HEATR6: variants seen among roughly 807,000 people sequenced by gnomAD.
HEATR6 encodes HEAT repeat containing 6.
Under a neutral mutation model 132.8 loss-of-function variants are expected in HEATR6, and 106 were observed. The ratio of observed to expected loss-of-function variants is 0.80; its 90% CI spans 0.68 to 0.94. The LOEUF is 0.94. HEATR6 is among the 40% of genes least tolerant of loss of function. HEATR6 has a pLI of 0.00. For synonymous variants in HEATR6, 529 were observed against 537.8 expected, an observed-to-expected ratio of 0.98 and a Z score of 0.23; for missense variants, 1,339 against 1,425.1, an observed-to-expected ratio of 0.94 and a Z score of 0.97.
chr17:60,061,796 G>C lies in HEATR6; in HGVS notation c.1417-1700C>G, dbSNP rs544118452. ...CAGATTTGCCCTACGGGCCACAGCTGGCCAATCCCTACTAGAGGCTCGTCC... is the reference window on the plus strand; with the variant it reads ...CAGATTTGCCCTACGGGCCACAGCTCGCCAATCCCTACTAGAGGCTCGTCC... On this transcript the variant is annotated intron_variant, in intron 9 of 19. Transcript: ENST00000184956. Among the ~76,000 whole-genome samples the C allele has an allele frequency of 2.0e-5, 3 of 152,362 alleles. No homozygotes were observed. In the South Asian group the frequency reaches 6.2e-4, roughly 32 times the overall value.
In HEATR6 at chr17:60,072,226, T is replaced by G. The variant is rs1336147954; in HGVS notation, c.688A>C (p.Thr230Pro). Residue 230 changes from threonine (T) to proline (P), a missense_variant, in exon 5 of 20, where the codon ACA (threonine) becomes CCA (proline). Coordinates refer to ENST00000184956, the MANE Select transcript of HEATR6 (RefSeq NM_022070.5). ...GATAGTCCACTTACCATGCAAAATGTGATATCATCCATATCAGATGATTTT... is the reference window on the plus strand; with the variant it reads ...GATAGTCCACTTACCATGCAAAATGGGATATCATCCATATCAGATGATTTT... ...SPKSSDMDDI[T>P]FCMLLQNALK... 1.3e-6 allele frequency: 2 copies of G among 1,560,428 alleles called. No homozygotes were observed. The highest frequency in any genetic ancestry group is 1.8e-6 in the Non-Finnish European group (2 of 1,135,498).
rs1255505583 is a variant in HEATR6 at position 60,078,679 on chromosome 17, C to G, written c.219+17G>C. On this transcript the variant is annotated intron_variant, in intron 1 of 19. Transcript: ENST00000184956. ...GGGGTGGGGCCGGGGCCGGGGCCAG[C>G]AGGGCGCGCCGCCTACCTCCGGGGC... is the stretch of plus-strand genomic sequence containing the variant. 6 of 1,530,888 alleles carry G rather than the reference C, an allele frequency of 3.9e-6. No individual in the cohort carries two copies. Among genetic ancestry groups the G allele is most frequent in the South Asian group, 1.2e-5 (1 of 83,468 alleles). The allele number at this position is 1,530,888 out of a possible 1,614,324, so 94.8% of individuals were successfully genotyped here.
At position 60,067,685 on chromosome 17, in the gene HEATR6, T is replaced by C. The variant is rs575565249; in HGVS notation, c.987A>G (p.Gly329=). 16 of 1,613,582 alleles carry C rather than the reference T, an allele frequency of 9.9e-6. No homozygotes were observed. The South Asian group carries it at 1.6e-4, about 17-fold the overall frequency. ...CACTGGATTCCTTTTCCTCCTCCTC[T>C]CCTTGCTGGATTTTCTTTGGTTTTA... ...SKVKPKKIQQ[G]EEEEKESSGE... is the part of the protein sequence containing the mutation. Residue 329 remains glycine (G), a synonymous_variant, in exon 8 of 20, where the codon GGA becomes GGG. Coordinates refer to ENST00000184956, the MANE Select transcript of HEATR6 (RefSeq NM_022070.5).
rs145363090 is a variant in HEATR6 at position 60,043,789 on chromosome 17, A to G, written c.3320T>C (p.Leu1107Pro). The G allele has an allele frequency of 7.5e-5, 121 of 1,614,042 alleles. No homozygotes were observed. The highest frequency in any genetic ancestry group is 9.2e-5 in the Non-Finnish European group (108 of 1,180,020). The change falls in exon 20 of 20, where the codon CTA becomes CCA. Residue 1107 changes from leucine to proline, a missense_variant. Transcript: ENST00000184956. Reference protein sequence around the residue: ...LSGNMVQSYILQFLKSGAEGD... With the variant: ...LSGNMVQSYIPQFLKSGAEGD... ...CTCTGCTCCTGATTTTAAAAACTGT[A>G]GAATATAGGACTGGACCATATTCCC... is the stretch of plus-strand genomic sequence containing the variant.
chr17:60,044,753 T>TGGG (rs1429646703), intron 19 of HEATR6, among the ~76,000 whole-genome samples: 9 of 152,194 alleles, frequency 5.9e-5, no homozygotes, highest in African/African-American at 2.2e-4. Flanking sequence ...TTACTCAAGA[T>TGGG]GGGTGACAGA....
chr17:60,059,408 A>T lies in HEATR6; in HGVS notation c.1723+14T>A. The T allele has an allele frequency of 6.6e-7, 1 of 1,519,600 alleles. No homozygotes were observed. The highest frequency in any genetic ancestry group is 9.1e-7 in the Non-Finnish European group (1 of 1,101,456). The allele number at this position is 1,519,600 out of a possible 1,614,324, so 94.1% of individuals were successfully genotyped here. ...CTGATACAAAGAAGCCATCAGTTTT[A>T]AGCCACTACAAACCTTTGTGGCGAA... On this transcript the variant is annotated intron_variant, in intron 11 of 19. Transcript: ENST00000184956.
At chr17:60,069,961 T>C (rs900833054) in intron 6 of HEATR6, 113 bp from the exon 7 acceptor site, 4 of 1,253,446 alleles carry the variant, frequency 3.2e-6, no homozygotes, top group African/African-American at 3.0e-5. Flanking sequence ...ACAACACTCA[T>C]AGATAATGTT....
chr17:60,067,891 C>T (rs2083250945), intron 7 of HEATR6, among the ~76,000 whole-genome samples, 159 bp from the exon 8 acceptor site: 1 of 152,164 alleles, frequency 6.6e-6, no homozygotes, highest in Admixed American at 6.5e-5. Flanking sequence ...TTCATTAATA[C>T]CCTAAACATC....
chr17:60,069,462 T>C (rs2083259391), intron 7 of HEATR6, among the ~76,000 whole-genome samples: 1 of 152,240 alleles, frequency 6.6e-6, no homozygotes. Flanking sequence ...ATGAGAATGC[T>C]TGGTTTGGGG....
At chr17:60,073,653 A>C in intron 3 of HEATR6, 93 bp downstream of exon 3, 2 of 1,225,966 alleles carry the variant, frequency 1.6e-6, no homozygotes, top group African/African-American at 1.5e-5. Flanking sequence ...GAATTGCTAG[A>C]GATTAGTGGC....
Position 60,048,277 on chromosome 17 carries a change from G to T in HEATR6, c.2659C>A (p.Leu887Met). 6.2e-7 allele frequency: 1 copy of T among 1,613,382 alleles called. No homozygotes were observed. Among genetic ancestry groups the T allele is most frequent in the Non-Finnish European group, 8.5e-7 (1 of 1,179,506 alleles). ...TCAGTCACCTACATGTTGACAATCA[G>T]AGTGTCTGTCAGGTTGCCCAGGGAC... ...AWSLGNLTDT[L>M]IVNMETPDPS... The change falls in exon 17 of 20, where the codon CTG (leucine) becomes ATG (methionine). Residue 887 changes from leucine (L) to methionine (M), a missense_variant. Coordinates refer to ENST00000184956, the MANE Select transcript of HEATR6 (RefSeq NM_022070.5).
Position 60,067,694 on chromosome 17 carries a change from G to C in HEATR6, c.978C>G (p.Ile326Met). ...KKKSKVKPKKIQQGEEEEKES... is the reference protein window; with the variant it reads ...KKKSKVKPKKMQQGEEEEKES... ...CCTTTTCCTCCTCCTCTCCTTGCTGGATTTTCTTTGGTTTTACTTTGGATT... is the reference window on the plus strand; with the variant it reads ...CCTTTTCCTCCTCCTCTCCTTGCTGCATTTTCTTTGGTTTTACTTTGGATT... Residue 326 changes from isoleucine (I) to methionine (M), a missense_variant, in exon 8 of 20, where the codon ATC (isoleucine) becomes ATG (methionine). Coordinates refer to ENST00000184956, the MANE Select transcript of HEATR6 (RefSeq NM_022070.5). The C allele has an allele frequency of 1.9e-6, 3 of 1,612,906 alleles. No homozygotes were observed. The highest frequency in any genetic ancestry group is 2.5e-6 in the Non-Finnish European group (3 of 1,179,570).
chr17:60,067,690 G>A lies in HEATR6; in HGVS notation c.982C>T (p.Gln328Ter). The part of the protein sequence containing the change: ...KSKVKPKKIQ[Q>*]GEEEEKESSG... Reference sequence around the variant, plus strand: ...GATTCCTTTTCCTCCTCCTCTCCTTGCTGGATTTTCTTTGGTTTTACTTTG... The same window carrying A: ...GATTCCTTTTCCTCCTCCTCTCCTTACTGGATTTTCTTTGGTTTTACTTTG... Residue 328 changes from glutamine (Q) to a stop codon, truncating the protein, a stop_gained, in exon 8 of 20, where the codon CAA (glutamine) becomes TAA (stop). Coordinates refer to ENST00000184956, the MANE Select transcript of HEATR6 (RefSeq NM_022070.5). LOFTEE classifies it high-confidence loss of function. 1 of 1,613,164 alleles carries A rather than the reference G, an allele frequency of 6.2e-7. No homozygotes were observed. The highest frequency in any genetic ancestry group is 8.5e-7 in the Non-Finnish European group (1 of 1,179,686).
chr17:60,050,052 T>G (rs1400485781), intron 15 of HEATR6, among the ~76,000 whole-genome samples: 1 of 152,184 alleles, frequency 6.6e-6, no homozygotes, highest in Non-Finnish European at 1.5e-5. Context: ...TTCTGAATGC[T>G]TATGCTCCCC....
chr17:60,046,159 G>C lies in HEATR6; in HGVS notation c.2840C>G (p.Pro947Arg). The change falls in exon 19 of 20, where the codon CCC (proline) becomes CGC (arginine). Residue 947 changes from proline to arginine, a missense_variant. Physicochemically the swap from Pro to Arg is moderately radical, Grantham distance 103. Transcript: ENST00000184956. The part of the protein sequence containing the change: ...HFLQPSHIEK[P>R]TFAEIIEESI... ...CTCCTCAATGATTTCTGCAAATGTG[G>C]GTTTTTCTATATGAGAGGGTTGCAG... is the stretch of plus-strand genomic sequence containing the variant. 1 of 1,613,940 alleles carries C rather than the reference G, an allele frequency of 6.2e-7. No homozygotes were observed. The highest frequency in any genetic ancestry group is 8.5e-7 in the Non-Finnish European group (1 of 1,179,902).
Position 60,078,846 on chromosome 17 carries a change from G to T in HEATR6, c.69C>A (p.Ile23=). 6.2e-7 allele frequency: 1 copy of T among 1,608,588 alleles called. No individual in the cohort carries two copies. Among genetic ancestry groups the T allele is most frequent in the Non-Finnish European group, 8.5e-7 (1 of 1,178,938 alleles). The change falls in exon 1 of 20, where the codon ATC becomes ATA. Residue 23 remains isoleucine (I), a synonymous_variant. Transcript: ENST00000184956. ...VQPREAPREA[I]PERGNGFRLL... ...GGCGAAACCCATTGCCTCGCTCAGG[G>T]ATTGCTTCCCGCGGTGCCTCCCGCG... is the stretch of plus-strand genomic sequence containing the variant.
intron 1 of HEATR6, among the ~76,000 whole-genome samples, chr17:60,076,958 A>G (rs2083300317): frequency 6.6e-6 from 1 of 151,634 alleles, no homozygotes. Context: ...AAAAAAAAAA[A>G]AAAAAGAGGG....
rs1906255785 is a variant in HEATR6, at chr17:60,043,589, C to T, written c.3520G>A (p.Ala1174Thr). 1 of 1,613,180 alleles carries T rather than the reference C, an allele frequency of 6.2e-7. No homozygotes were observed. The highest frequency in any genetic ancestry group is 1.3e-5 in the African/African-American group (1 of 74,994). The change falls in exon 20 of 20, where the codon GCA (alanine) becomes ACA (threonine). Residue 1174 changes from alanine to threonine, a missense_variant. Transcript: ENST00000184956. ...VCFDSSGSQG[A>T]LPGLTNQ is the part of the protein sequence containing the mutation. The stretch of plus-strand genomic sequence containing the variant: ...CACTGATTTGTTAACCCTGGGAGTG[C>T]CCCTTGTGATCCAGATGAGTCAAAA...
intron 9 of HEATR6, among the ~76,000 whole-genome samples, chr17:60,061,595 A>G (rs1198087996): frequency 6.6e-6 from 1 of 152,266 alleles, no homozygotes; most frequent in East Asian, 1.9e-4. Flanking sequence ...ATTGTAGCAT[A>G]GACATGTAAA....
Sources: allele counts gnomAD v4.1 joint callset (sites outside exome capture counted in the v4.1 genomes callset), GRCh38; gene constraint gnomAD v4.1.1; transcripts MANE v1.5; gene names NCBI Gene and HGNC (gene_info 2026-07-23, HGNC 2026-07-21).